NINL: variants seen among roughly 807,000 people sequenced by gnomAD.
The protein encoded by NINL is ninein-like protein.
Under a neutral mutation model 160.3 loss-of-function variants are expected in NINL, and 153 were observed. The observed-to-expected ratio is 0.95, with a 90% CI of 0.84 to 1.09. The LOEUF is 1.09. NINL is among the 50% of genes least tolerant of loss of function. The probability of loss-of-function intolerance (pLI) is 0.00; values close to 1 mark genes in which losing one functional copy is unlikely to be tolerated. For synonymous variants in NINL, 800 were observed against 734.8 expected, an observed-to-expected ratio of 1.09 and a Z score of -1.43; for missense variants, 1,829 against 1,764.0, an observed-to-expected ratio of 1.04 and a Z score of -0.66.
intron 10 of NINL, among the ~76,000 whole-genome samples, chr20:25,492,684 C>T (rs1413370111): frequency 6.6e-6 from 1 of 152,072 alleles, no homozygotes; most frequent in Non-Finnish European, 1.5e-5. Context: ...AATCTCCTGA[C>T]CTCGTGATCT....
chr20:25,533,369 C>T (rs1057220952), intron 1 of NINL, among the ~76,000 whole-genome samples: 1 of 152,144 alleles, frequency 6.6e-6, no homozygotes, highest in African/African-American at 2.4e-5. Flanking sequence ...ACAAAACAGA[C>T]TGCTGGGCAA....
intron 13 of NINL, 78 bp from the exon 14 acceptor site, chr20:25,482,178 G>A (rs968531574): frequency 6.6e-7 from 1 of 1,519,056 alleles, no homozygotes; most frequent in Non-Finnish European, 8.8e-7. Flanking sequence ...TGGCCTCCAG[G>A]GGGGTCCCTT....
chr20:25,573,832 G>C (rs1162345680), intron 1 of NINL, among the ~76,000 whole-genome samples: 2 of 152,198 alleles, frequency 1.3e-5, no homozygotes, highest in East Asian at 3.8e-4. Flanking sequence ...AAGGTCTGAG[G>C]AGACCTGAAA....
Position 25,453,540 on chromosome 20 carries a change from C to G in NINL, c.4060G>C (p.Ala1354Pro). 1 of 1,614,066 alleles carries G rather than the reference C, an allele frequency of 6.2e-7. No homozygotes were observed. The highest frequency in any genetic ancestry group is 8.5e-7 in the Non-Finnish European group (1 of 1,179,976). ...TCCAAGAGGCGGCTTTGTTTCTCGG[C>G]GCCTCGCTGCTTCTCCTCGGTGGCC... The part of the protein sequence containing the change: ...LQATEEKQRG[A>P]EKQSRLLEEK... The change falls in exon 24 of 24, where the codon GCC becomes CCC. Residue 1354 changes from alanine (A) to proline (P), a missense_variant. Ala to Pro is a conservative substitution (Grantham distance 27). Transcript: ENST00000278886.
In NINL at chr20:25,500,988, T is replaced by G. The variant is rs755722801; in HGVS notation, c.884A>C (p.His295Pro). 6.2e-7 allele frequency: 1 copy of G among 1,613,752 alleles called. No individual in the cohort carries two copies. Among genetic ancestry groups the G allele is most frequent in the Non-Finnish European group, 8.5e-7 (1 of 1,179,958 alleles). Residue 295 changes from histidine (H) to proline (P), a missense_variant, in exon 8 of 24, where the codon CAC becomes CCC. Physicochemically the swap from His to Pro is moderately conservative, Grantham distance 77 (BLOSUM62 -2). Coordinates refer to ENST00000278886, the MANE Select transcript of NINL (RefSeq NM_025176.6). The stretch of plus-strand genomic sequence containing the variant: ...CACGAGGGATGAGGTTGTGGTGGTG[T>G]GGCAGCCGCTCTCCTCTGGGACCTG... ...HYQVPEESGCHTTTTSSLVSL... is the reference protein window; with the variant it reads ...HYQVPEESGCPTTTTSSLVSL...
intron 1 of NINL, among the ~76,000 whole-genome samples, chr20:25,541,182 T>C (rs1265060810): frequency 6.6e-6 from 1 of 152,234 alleles, no homozygotes; most frequent in Non-Finnish European, 1.5e-5. Context: ...CTGGTTTTAA[T>C]GTGGGTTCTG....
At position 25,505,175 on chromosome 20, in the gene NINL, G is replaced by A. The variant is rs140049732; in HGVS notation, c.518-97C>T. 124 of 1,114,772 alleles carry A rather than the reference G, an allele frequency of 1.1e-4. No individual in the cohort carries two copies. The African/African-American group carries it at 1.5e-3, about 13-fold the overall frequency. 69.1% of individuals were successfully genotyped at this position (1,114,772 alleles called of 1,614,324 possible). ...AGGACGTTCTGCCCTTTCCAACAGC[G>A]TGAATGAATGTGGAGGACATTACGC... On this transcript the variant is annotated intron_variant, in intron 5 of 23. Coordinates refer to ENST00000278886, the MANE Select transcript of NINL (RefSeq NM_025176.6).
chr20:25,573,962 C>A (rs144533030), intron 1 of NINL, among the ~76,000 whole-genome samples: 22 of 152,304 alleles, frequency 1.4e-4, no homozygotes, highest in Admixed American at 2.6e-4. Context: ...TCCCTGCAAG[C>A]ATCCAGTGTA....
intron 13 of NINL, 128 bp downstream of exon 13, chr20:25,489,116 A>C (rs534316089): frequency 3.3e-6 from 3 of 911,366 alleles, no homozygotes; most frequent in Admixed American, 3.6e-5. Flanking sequence ...TGGCAAGGCC[A>C]TGGTCAAGCA....
At chr20:25,508,868 C>A (rs146927639) in intron 5 of NINL, among the ~76,000 whole-genome samples, 8 of 152,260 alleles carry the variant, frequency 5.3e-5, no homozygotes, top group African/African-American at 7.2e-5. Context: ...TTGCTCCCTA[C>A]ACGTCCATCA....
At chr20:25,477,145 G>A (rs965816066) in intron 16 of NINL, 56 bp from the exon 17 acceptor site, 10 of 1,467,870 alleles carry the variant, frequency 6.8e-6, no homozygotes, top group South Asian at 2.7e-5. Context: ...CCCCTCTCTC[G>A]GGTTTGAAGT....
At chr20:25,483,798 T>C (rs781688620) in intron 13 of NINL, among the ~76,000 whole-genome samples, 24 of 152,246 alleles carry the variant, frequency 1.6e-4, no homozygotes, top group Non-Finnish European at 3.4e-4. Flanking sequence ...CCCACTTTCT[T>C]AGACACCTCC....
At chr20:25,466,452 A>C (rs1323027541) in intron 19 of NINL, among the ~76,000 whole-genome samples, 1 of 152,210 alleles carries the variant, frequency 6.6e-6, no homozygotes, top group Non-Finnish European at 1.5e-5. Context: ...ATGTATGTGG[A>C]TGATCACTCT....
At chr20:25,504,213 C>A (rs1601170865) in intron 6 of NINL, 109 bp from the exon 7 acceptor site, 1 of 1,188,742 alleles carries the variant, frequency 8.4e-7, no homozygotes, top group East Asian at 2.5e-5. Context: ...CCAACAAGGG[C>A]CGTTTCCTAG....
At chr20:25,481,447 T>C (rs756036819) in intron 14 of NINL, among the ~76,000 whole-genome samples, 1 of 152,170 alleles carries the variant, frequency 6.6e-6, no homozygotes, top group Non-Finnish European at 1.5e-5. Flanking sequence ...CCCTGGGTCC[T>C]TGGAGCTTGT....
At chr20:25,486,602 G>T (rs1199700465) in intron 13 of NINL, among the ~76,000 whole-genome samples, 1 of 148,266 alleles carries the variant, frequency 6.7e-6, no homozygotes, top group Non-Finnish European at 1.5e-5. Flanking sequence ...CAGAAGGAAG[G>T]CGACACCGCT....
At chr20:25,552,560 G>C (rs2064818038) in intron 1 of NINL, among the ~76,000 whole-genome samples, 1 of 152,232 alleles carries the variant, frequency 6.6e-6, no homozygotes, top group Admixed American at 6.5e-5. Context: ...AGCCATGCTG[G>C]CACTATACAG....
chr20:25,499,116 C>T, intron 8 of NINL: 1 of 985,434 alleles, frequency 1.0e-6, no homozygotes, highest in African/African-American at 1.7e-5. Context: ...ACGTGCCTGG[C>T]CCAGAGTCTC....
intron 19 of NINL, among the ~76,000 whole-genome samples, chr20:25,465,669 C>CA (rs1488146457): frequency 6.6e-6 from 1 of 152,112 alleles, no homozygotes; most frequent in African/African-American, 2.4e-5. Flanking sequence ...GGACGGCCGT[C>CA]AACGCTGTGT....
Sources: gnomAD v4.1 joint callset for allele counts (sites outside exome capture counted in the v4.1 genomes callset) on GRCh38, gnomAD v4.1.1 for gene constraint, MANE v1.5 for transcripts, NCBI Gene and HGNC (gene_info 2026-07-23, HGNC 2026-07-21) for gene names.